The following DPP4 variants were observed in gnomAD, a reference collection of about 807,000 sequenced individuals.
The protein encoded by DPP4 is ADCP-2.
DPP4 carries 93 observed loss-of-function variants against 122.4 expected under a neutral mutation model. That is an observed-to-expected ratio of 0.76 (90% CI 0.64 to 0.90). DPP4 has a LOEUF of 0.90. Among genes scored for constraint, DPP4 ranks in the 40% least tolerant of loss-of-function variants. The pLI is 0.00. For missense variants in DPP4, 914 were observed against 907.3 expected, an observed-to-expected ratio of 1.01 and a Z score of -0.09; for synonymous variants, 321 against 302.9, an observed-to-expected ratio of 1.06 and a Z score of -0.62.
intron 5 of DPP4, among the ~76,000 whole-genome samples, chr2:162,044,599 TACAAATTTGTAA>T: frequency 6.6e-6 from 1 of 152,216 alleles, no homozygotes. Flanking sequence ...AGGGTATCTT[TACAAATTTGTAA>T]TCTTCACTAC....
intron 23 of DPP4, among the ~76,000 whole-genome samples, chr2:162,002,133 G>A (rs1701165099): frequency 6.6e-6 from 1 of 152,206 alleles, no homozygotes; most frequent in South Asian, 2.1e-4. Flanking sequence ...CCCTGGAGGT[G>A]TAGGCCTTAG....
intron 2 of DPP4, among the ~76,000 whole-genome samples, chr2:162,052,174 C>T (rs537322102): frequency 3.3e-5 from 5 of 151,936 alleles, no homozygotes; most frequent in Non-Finnish European, 7.4e-5. Context: ...GAAAATTAGC[C>T]GGGCGTGGTG....
chr2:162,053,550 A>AG (rs1187516256), intron 2 of DPP4, among the ~76,000 whole-genome samples: 28 of 152,236 alleles, frequency 1.8e-4, no homozygotes, highest in African/African-American at 6.5e-4. Flanking sequence ...AGCTTGGCCT[A>AG]GGGGAAAGGA....
intron 13 of DPP4, 38 bp downstream of exon 13, chr2:162,020,543 A>T: frequency 1.3e-6 from 2 of 1,491,134 alleles, no homozygotes; most frequent in Non-Finnish European, 1.8e-6. Context: ...AAAAAAAAAA[A>T]GAGGTCAACA....
intron 11 of DPP4, among the ~76,000 whole-genome samples, chr2:162,023,755 G>A (rs1251580520): frequency 6.6e-6 from 1 of 152,184 alleles, no homozygotes; most frequent in Non-Finnish European, 1.5e-5. Flanking sequence ...CAAGCAAAGA[G>A]CTTGGGTTTT....
In DPP4 at chr2:162,009,513, T is replaced by TGTG. The variant is rs71408193; in HGVS notation, c.1833-219_1833-218insCAC. On this transcript the variant is annotated intron_variant, in intron 20 of 25. Coordinates refer to ENST00000360534, the MANE Select transcript of DPP4 (RefSeq NM_001935.4). ...TTACTTTTGTTGGAGTTCATAAAAA[T>TGTG]TGTGTGTGTGTGTGTGTGTGTGTGT... Among the ~76,000 whole-genome samples the TGTG allele has an allele frequency of 5.1e-4, 73 of 144,384 alleles. 1 individual carries two copies. The highest frequency in any genetic ancestry group is 1.8e-3 in the African/African-American group (72 of 39,474). The allele number at this position is 144,384 out of a possible 152,430, so 94.7% of individuals were successfully genotyped here.
At chr2:162,013,066 T>TAAG (rs1449145257) in intron 19 of DPP4, among the ~76,000 whole-genome samples, 1 of 151,790 alleles carries the variant, frequency 6.6e-6, no homozygotes, top group Non-Finnish European at 1.5e-5. Flanking sequence ...TTTGGTAGAT[T>TAAG]AAGAGCTTGC....
At chr2:162,054,224 C>G (rs1324503291) in intron 2 of DPP4, among the ~76,000 whole-genome samples, 2 of 152,178 alleles carry the variant, frequency 1.3e-5, no homozygotes, top group East Asian at 3.8e-4. Context: ...AATATCTATC[C>G]TAGGCCTACC....
chr2:162,035,288 GACCA>G lies in DPP4; in HGVS notation c.646_649del (p.Trp216LeufsTer7), dbSNP rs769296575. The G allele has an allele frequency of 6.2e-7, 1 of 1,613,986 alleles. No individual in the cohort carries two copies. Among genetic ancestry groups the G allele is most frequent in the African/African-American group, 1.3e-5 (1 of 75,026 alleles). ...ATATGCTAAAAAAGTGCCGTTTGGA[GACCA>G]CCACAGAGCAGAGTAGGCACTGAAG... On this transcript the variant is annotated frameshift_variant, in exon 9 of 26. Transcript: ENST00000360534. LOFTEE classifies it high-confidence loss of function.
At chr2:161,993,676 C>T (rs542772724) in intron 25 of DPP4, among the ~76,000 whole-genome samples, 101 of 152,220 alleles carry the variant, frequency 6.6e-4, no homozygotes, top group African/African-American at 2.4e-3. Context: ...AAGATACGTA[C>T]ATTTTAATTA....
chr2:162,006,720 C>A (rs1438991032), intron 22 of DPP4, among the ~76,000 whole-genome samples: 2 of 152,010 alleles, frequency 1.3e-5, no homozygotes, highest in African/African-American at 4.8e-5. Flanking sequence ...CCTAAAATAT[C>A]AGTAAAAAAA....
chr2:162,052,781 G>A (rs572509791), intron 2 of DPP4, among the ~76,000 whole-genome samples: 8 of 152,106 alleles, frequency 5.3e-5, no homozygotes, highest in African/African-American at 1.2e-4. Context: ...ATAGAACCTC[G>A]GTCTTCTCAG....
At chr2:162,051,541 A>C (rs935429945) in intron 2 of DPP4, among the ~76,000 whole-genome samples, 11 of 152,268 alleles carry the variant, frequency 7.2e-5, no homozygotes, top group Non-Finnish European at 1.5e-4. Flanking sequence ...AAAAACAGGC[A>C]AAAGAGTTAT....
intron 2 of DPP4, among the ~76,000 whole-genome samples, chr2:162,067,810 T>A (rs928776395): frequency 1.3e-5 from 2 of 152,130 alleles, no homozygotes; most frequent in Non-Finnish European, 2.9e-5. Flanking sequence ...AATGAAAGGA[T>A]TAGCATCCAA....
In DPP4 at chr2:161,993,173, G is replaced by C; in HGVS notation, c.*110C>G. 1.2e-6 allele frequency: 1 copy of C among 853,566 alleles called. No homozygotes were observed. The highest frequency in any genetic ancestry group is 2.5e-5 in the East Asian group (1 of 40,166). The allele number at this position is 853,566 out of a possible 1,614,324, so 52.9% of individuals were successfully genotyped here. A position where few individuals can be genotyped will look rare whatever the true frequency, so the allele number is the denominator to read the frequency against. ...GAACAAAGGTAACCTTAAGTTTCTTGATTTGAGTGTGTATTTTAAAGATCA... is the reference window on the plus strand; with the variant it reads ...GAACAAAGGTAACCTTAAGTTTCTTCATTTGAGTGTGTATTTTAAAGATCA... On this transcript the variant is annotated 3_prime_UTR_variant, in exon 26 of 26. Coordinates refer to ENST00000360534, the MANE Select transcript of DPP4 (RefSeq NM_001935.4).
chr2:162,045,706 T>C (rs1404815379), intron 4 of DPP4, 94 bp from the exon 5 acceptor site: 7 of 880,208 alleles, frequency 8.0e-6, no homozygotes, highest in East Asian at 5.0e-5. Flanking sequence ...TCTAGACATG[T>C]GGCTTGTGCT....
chr2:162,064,056 T>C (rs1406794383), intron 2 of DPP4, among the ~76,000 whole-genome samples: 1 of 152,148 alleles, frequency 6.6e-6, no homozygotes, highest in African/African-American at 2.4e-5. Flanking sequence ...TACAGGTGAA[T>C]GCACTGATGA....
intron 23 of DPP4, among the ~76,000 whole-genome samples, chr2:162,004,140 C>T (rs531011002): frequency 6.6e-6 from 1 of 152,168 alleles, no homozygotes; most frequent in Non-Finnish European, 1.5e-5. Flanking sequence ...AGGAAGGGTG[C>T]CGAACACCTG....
chr2:162,017,373 AG>A, intron 16 of DPP4: 3 of 522,378 alleles, frequency 5.7e-6, no homozygotes, highest in Non-Finnish European at 1.0e-5. Flanking sequence ...GGAAAGGCAC[AG>A]GGCTCAGTAG....
Sources: gnomAD v4.1 joint callset for allele counts (sites outside exome capture counted in the v4.1 genomes callset) on GRCh38, gnomAD v4.1.1 for gene constraint, MANE v1.5 for transcripts, NCBI Gene and HGNC (gene_info 2026-07-23, HGNC 2026-07-21) for gene names.